The following PROM2 variants were observed in gnomAD, a reference collection of about 807,000 sequenced individuals.
The protein encoded by PROM2 is prominin-2.
Under a neutral mutation model 110.2 loss-of-function variants are expected in PROM2, and 90 were observed. The observed-to-expected ratio is 0.82, with a 90% confidence interval of 0.69 to 0.97. The LOEUF (loss-of-function observed/expected upper bound fraction) is 0.97, where lower values mean the gene tolerates loss of function less well. Among genes scored for constraint, PROM2 ranks in the 50% least tolerant of loss-of-function variants. PROM2 has a pLI of 0.00. For synonymous variants in PROM2, 470 were observed against 467.8 expected (o/e 1.00, Z -0.06); for missense variants, 1,009 against 1,074.8 (o/e 0.94, Z 0.86).
chr2:95,277,518 G>T lies in PROM2; in HGVS notation c.927G>T (p.Gly309=). The T allele has an allele frequency of 2.5e-6, 4 of 1,608,912 alleles. No homozygotes were observed. Among genetic ancestry groups the T allele is most frequent in the Non-Finnish European group, 3.4e-6 (4 of 1,178,190 alleles). The change falls in exon 7 of 24, where the codon GGG becomes GGT. Residue 309 remains glycine, a synonymous_variant. Coordinates refer to ENST00000317620, the MANE Select transcript of PROM2 (RefSeq NM_001165978.3). ...CCAGGTGCCAGGGAGATTGTGCAGG[G>T]GCCCTGAGCTGGGCCCGCACCCTGG... The part of the protein sequence containing the change: ...QEARCQGDCA[G]ALSWARTLEL...
rs759168727 is a variant in PROM2 at position 95,276,089 on chromosome 2, G to A, written c.454G>A (p.Ala152Thr). The A allele has an allele frequency of 1.3e-5, 21 of 1,611,284 alleles. No homozygotes were observed. The highest frequency in any genetic ancestry group is 2.2e-5 in the East Asian group (1 of 44,862). The change falls in exon 3 of 24, where the codon GCG (alanine) becomes ACG (threonine). Residue 152 changes from alanine (A) to threonine (T), a missense_variant. Coordinates refer to ENST00000317620, the MANE Select transcript of PROM2 (RefSeq NM_001165978.3). This position sits in a 1 kb window ranked among gnomAD's most constrained non-coding sequence, Gnocchi z 4.6. ...GCACAAGGCGCTGGCCTGTGAGCGCGCGGCCCTCATGGTCTTCCTGCTGCT... is the reference window on the plus strand; with the variant it reads ...GCACAAGGCGCTGGCCTGTGAGCGCACGGCCCTCATGGTCTTCCTGCTGCT... ...TEHKALACER[A>T]ALMVFLLLTT...
At position 95,286,569 on chromosome 2, in the gene PROM2, G is replaced by A; in HGVS notation, c.2038G>A (p.Val680Met). 3 of 1,613,328 alleles carry A rather than the reference G, an allele frequency of 1.9e-6. No homozygotes were observed. The highest frequency in any genetic ancestry group is 1.7e-6 in the Non-Finnish European group (2 of 1,179,902). Residue 680 changes from valine to methionine, a missense_variant and splice_region_variant, in exon 17 of 24, where the codon GTG becomes ATG. By Grantham distance (21) the Val-to-Met change is conservative. Transcript: ENST00000317620. ...QEKVVPQQSL[V>M]AKLNLSVRAL... is the part of the protein sequence containing the mutation. ...GAAGGTCGTCCCCCAGCAGAGCCTTGTGGTCAGTTTGGAGGCCCGGGGAGC... is the reference window on the plus strand; with the variant it reads ...GAAGGTCGTCCCCCAGCAGAGCCTTATGGTCAGTTTGGAGGCCCGGGGAGC...
In PROM2 at chr2:95,278,797, G is replaced by A. The variant is rs377335209; in HGVS notation, c.1114+13G>A. ...AGCGTGGTGCAAGGTTAGGCCACAC[G>A]GGTCAGAGGCAGCTGCCAGGCATGG... On this transcript the variant is annotated intron_variant, in intron 9 of 23. Coordinates refer to ENST00000317620, the MANE Select transcript of PROM2 (RefSeq NM_001165978.3). 9.9e-6 allele frequency: 16 copies of A among 1,613,864 alleles called. No individual in the cohort carries two copies. Among genetic ancestry groups the A allele is most frequent in the African/African-American group, 5.3e-5 (4 of 74,928 alleles).
At chr2:95,277,631 C>G in intron 7 of PROM2, 65 bp downstream of exon 7, 1 of 1,406,592 alleles carries the variant, frequency 7.1e-7, no homozygotes, top group Non-Finnish European at 9.4e-7. Flanking sequence ...CTCCTGGGAT[C>G]TGGCAAATTC....
In PROM2 at chr2:95,275,438, C is replaced by T. The variant is rs766489112; in HGVS notation, c.245-23C>T. The T allele has an allele frequency of 2.5e-6, 4 of 1,604,004 alleles. No homozygotes were observed. Among genetic ancestry groups the T allele is most frequent in the Non-Finnish European group, 2.6e-6 (3 of 1,174,290 alleles). On this transcript the variant is annotated intron_variant, in intron 1 of 23. Coordinates refer to ENST00000317620, the MANE Select transcript of PROM2 (RefSeq NM_001165978.3). This position sits in a 1 kb window ranked among gnomAD's most constrained non-coding sequence, Gnocchi z 4.4. ...GCAGGGCAGTGGCTGTCCCCAAATC[C>T]TCAGCTTGGCTCTTTCCCATAGAGT...
In PROM2 at chr2:95,279,153, C is replaced by CG. The variant is rs2104101592; in HGVS notation, c.1274+9_1274+10insG. The CG allele has an allele frequency of 8.0e-7, 1 of 1,255,166 alleles. No individual in the cohort carries two copies. The highest frequency in any genetic ancestry group is 1.0e-6 in the Non-Finnish European group (1 of 982,492). The allele number at this position is 1,255,166 out of a possible 1,614,324, so 77.8% of individuals were successfully genotyped here. On this transcript the variant is annotated intron_variant, in intron 10 of 23. Transcript: ENST00000317620. Reference sequence around the variant, plus strand: ...AGATACGAGACCTACAGGTGCTGGGCACCGCAGGGTGGGATGGGGTGGGGT... The same window carrying CG: ...AGATACGAGACCTACAGGTGCTGGGCGACCGCAGGGTGGGATGGGGTGGGGT...
chr2:95,288,883 T>C, intron 22 of PROM2, 50 bp from the exon 23 acceptor site: 1 of 1,568,196 alleles, frequency 6.4e-7, no homozygotes. Context: ...GTGTCAGGGC[T>C]GAGGGTCTGG....
chr2:95,290,727 G>C lies in PROM2; in HGVS notation c.*1514G>C, dbSNP rs1242804983. 1 of 152,250 alleles carries C rather than the reference G, an allele frequency of 6.6e-6. No individual in the cohort carries two copies. Among genetic ancestry groups the C allele is most frequent in the Non-Finnish European group, 1.5e-5 (1 of 68,070 alleles). 9.4% of individuals were successfully genotyped at this position (152,250 alleles called of 1,614,324 possible). A position where few individuals can be genotyped will look rare whatever the true frequency, so the allele number is the denominator to read the frequency against. ...GTTTGCCATGACTGCTCTGGGCCGG[G>C]GGTAGAGCTAGCATCCGGGCATGTA... On this transcript the variant is annotated 3_prime_UTR_variant, in exon 24 of 24. Coordinates refer to ENST00000317620, the MANE Select transcript of PROM2 (RefSeq NM_001165978.3).
intron 12 of PROM2, among the ~76,000 whole-genome samples, chr2:95,281,665 G>A (rs1479130822): frequency 2.6e-5 from 4 of 152,130 alleles, no homozygotes; most frequent in Non-Finnish European, 5.9e-5. Context: ...CCTGGTGCCC[G>A]GTGAGCTGCG....
Position 95,276,171 on chromosome 2 carries a change from G to T in PROM2, c.497+39G>T, listed in dbSNP as rs369991471. 1 of 1,612,222 alleles carries T rather than the reference G, an allele frequency of 6.2e-7. No individual in the cohort carries two copies. Among genetic ancestry groups the T allele is most frequent in the South Asian group, 1.1e-5 (1 of 91,028 alleles). ...CAGGGCCCGGGTAGGGCGGGCTGTG[G>T]CCCCCAGGCTCCCTCTTACCCAGCA... is the stretch of plus-strand genomic sequence containing the variant. On this transcript the variant is annotated intron_variant, in intron 3 of 23. Coordinates refer to ENST00000317620, the MANE Select transcript of PROM2 (RefSeq NM_001165978.3). This position sits in a 1 kb window ranked among gnomAD's most constrained non-coding sequence, Gnocchi z 4.6.
Position 95,277,986 on chromosome 2 carries a change from C to T in PROM2, c.1032C>T (p.Phe344=), listed in dbSNP as rs759041768. The T allele has an allele frequency of 1.2e-6, 2 of 1,611,058 alleles. No homozygotes were observed. Among genetic ancestry groups the T allele is most frequent in the Non-Finnish European group, 1.7e-6 (2 of 1,179,112 alleles). Reference sequence around the variant, plus strand: ...TAAAAGGTGTCCCCGAGGCCAACTTCTCCAGCATGGTCCAGGAGGTGAGAG... The same window carrying T: ...TAAAAGGTGTCCCCGAGGCCAACTTTTCCAGCATGGTCCAGGAGGTGAGAG... ...HQLKGVPEAN[F]SSMVQEENST... The change falls in exon 8 of 24, where the codon TTC becomes TTT. Residue 344 remains phenylalanine (F), a synonymous_variant. Transcript: ENST00000317620.
Position 95,276,087 on chromosome 2 carries a change from G to A in PROM2, c.452G>A (p.Arg151His), listed in dbSNP as rs568114384. ...GAGCACAAGGCGCTGGCCTGTGAGCGCGCGGCCCTCATGGTCTTCCTGCTG... is the reference window on the plus strand; with the variant it reads ...GAGCACAAGGCGCTGGCCTGTGAGCACGCGGCCCTCATGGTCTTCCTGCTG... Reference protein sequence around the residue: ...KTEHKALACERAALMVFLLLT... With the variant: ...KTEHKALACEHAALMVFLLLT... Residue 151 changes from arginine to histidine, a missense_variant, in exon 3 of 24, where the codon CGC (arginine) becomes CAC (histidine). By Grantham distance (29) the Arg-to-His change is conservative. Coordinates refer to ENST00000317620, the MANE Select transcript of PROM2 (RefSeq NM_001165978.3). This position sits in a 1 kb window ranked among gnomAD's most constrained non-coding sequence, Gnocchi z 4.6. 25 of 1,611,226 alleles carry A rather than the reference G, an allele frequency of 1.6e-5. No homozygotes were observed. The highest frequency in any genetic ancestry group is 1.7e-4 in the Middle Eastern group (1 of 6,060).
At chr2:95,279,781 C>A in intron 10 of PROM2, 64 bp from the exon 11 acceptor site, 2 of 1,343,564 alleles carry the variant, frequency 1.5e-6, no homozygotes, top group East Asian at 2.8e-5. Flanking sequence ...CCACGTCCCG[C>A]ACCTGTCCAT....
rs895600798 is a variant in PROM2 at position 95,275,496 on chromosome 2, G to A, written c.280G>A (p.Val94Met). 6.8e-6 allele frequency: 11 copies of A among 1,613,866 alleles called. No individual in the cohort carries two copies. The highest frequency in any genetic ancestry group is 3.3e-5 in the South Asian group (3 of 91,042). Residue 94 changes from valine (V) to methionine (M), a missense_variant, in exon 2 of 24, where the codon GTG (valine) becomes ATG (methionine). Val to Met is a conservative substitution (Grantham distance 21). Transcript: ENST00000317620. This position sits in a 1 kb window ranked among gnomAD's most constrained non-coding sequence, Gnocchi z 4.4. ...GGCCCTACTGAATGAGCTGGCCTCC[G>A]TGAAGGTGAATGAGGTGAGCAAGCT... ...VKALLNELAS[V>M]KVNEVVRYEA...
chr2:95,287,219 T>TG lies in PROM2; in HGVS notation c.2175+8dup, dbSNP rs762497298. 2.5e-6 allele frequency: 4 copies of TG among 1,611,628 alleles called. No individual in the cohort carries two copies. Among genetic ancestry groups the TG allele is most frequent in the Non-Finnish European group, 3.4e-6 (4 of 1,179,012 alleles). On this transcript the variant is annotated splice_region_variant and intron_variant, in intron 19 of 23. Transcript: ENST00000317620. ...CAGCCAGGATCCTGAGGAATGTGAG[T>TG]GGTGGGTGGGACAGGGAAGGGGCTT... is the stretch of plus-strand genomic sequence containing the variant.
In PROM2 at chr2:95,282,182, C is replaced by T. The variant is rs1300511146; in HGVS notation, c.1684C>T (p.Leu562Phe). Residue 562 changes from leucine (L) to phenylalanine (F), a missense_variant, in exon 14 of 24, where the codon CTC (leucine) becomes TTC (phenylalanine). Physicochemically the swap from Leu to Phe is conservative, Grantham distance 22. Transcript: ENST00000317620. ...EGAALWTVLQ[L>F]NDSYDLEEHL... ...GGCAGCGCTCTGGACAGTCCTGCAG[C>T]TCAACGACTCCTACGACCTGGAGGA... is the stretch of plus-strand genomic sequence containing the variant. 5 of 1,613,890 alleles carry T rather than the reference C, an allele frequency of 3.1e-6. No individual in the cohort carries two copies. Among genetic ancestry groups the T allele is most frequent in the Non-Finnish European group, 4.2e-6 (5 of 1,179,998 alleles).
intron 17 of PROM2, 69 bp downstream of exon 17, chr2:95,286,640 G>C: frequency 7.0e-7 from 1 of 1,436,186 alleles, no homozygotes; most frequent in Non-Finnish European, 9.8e-7. Flanking sequence ...CAGTGAAAGG[G>C]GAGGGAAGTT....
Position 95,282,215 on chromosome 2 carries a change from G to C in PROM2, c.1717G>C (p.Asp573His), listed in dbSNP as rs780463952. The C allele has an allele frequency of 1.2e-6, 2 of 1,613,550 alleles. No individual in the cohort carries two copies. Among genetic ancestry groups the C allele is most frequent in the African/African-American group, 1.3e-5 (1 of 75,030 alleles). The change falls in exon 14 of 24, where the codon GAT becomes CAT. Residue 573 changes from aspartate to histidine, a missense_variant. Asp to His is a moderately conservative substitution (Grantham distance 81, BLOSUM62 -1). Transcript: ENST00000317620. ...CTCCTACGACCTGGAGGAGCACCTG[G>C]ATATCAACCAGGTGAGAGAACGTTT... is the stretch of plus-strand genomic sequence containing the variant. The part of the protein sequence containing the change: ...NDSYDLEEHL[D>H]INQYTNKLRQ...
intron 15 of PROM2, among the ~76,000 whole-genome samples, 198 bp downstream of exon 15, chr2:95,285,313 A>T (rs1380438104): frequency 2.0e-5 from 3 of 152,182 alleles, no homozygotes; most frequent in Admixed American, 2.0e-4. Flanking sequence ...TCACACAGGA[A>T]TGGACAACCT....
Sources: allele counts gnomAD v4.1 joint callset (sites outside exome capture counted in the v4.1 genomes callset), GRCh38; gene constraint gnomAD v4.1.1; non-coding constraint Gnocchi (gnomAD v3.1); transcripts MANE v1.5; gene names NCBI Gene and HGNC (gene_info 2026-07-23, HGNC 2026-07-21).